The following LPP variants were observed in gnomAD, a reference collection of about 807,000 sequenced individuals.
LPP encodes the protein lipoma-preferred partner.
LPP carries 38 observed loss-of-function variants against 60.4 expected under a neutral mutation model. That is an observed-to-expected ratio of 0.63 (90% confidence interval 0.49 to 0.83). LPP has a LOEUF of 0.83. Among genes scored for constraint, LPP ranks in the 40% least tolerant of loss-of-function variants. The pLI is 0.00. For missense variants in LPP, 902 were observed against 783.6 expected (o/e 1.15, Z -1.80); for synonymous variants, 328 against 290.8 (o/e 1.13, Z -1.30).
chr3:188,799,856 T>C (rs1050901172), intron 9 of LPP, among the ~76,000 whole-genome samples: 2 of 152,160 alleles, frequency 1.3e-5, no homozygotes, highest in Non-Finnish European at 1.5e-5. Context: ...TAGTAAAAAA[T>C]CAAGTTATGC....
intron 2 of LPP, among the ~76,000 whole-genome samples, chr3:188,249,135 C>T (rs1006717365): frequency 6.6e-6 from 1 of 152,042 alleles, no homozygotes; most frequent in Non-Finnish European, 1.5e-5. Context: ...TTTACAGATT[C>T]ACAACTGTAA....
chr3:188,797,360 A>G (rs1468704753), intron 9 of LPP, among the ~76,000 whole-genome samples: 1 of 152,226 alleles, frequency 6.6e-6, no homozygotes, highest in East Asian at 1.9e-4. Context: ...GGACTGGGAT[A>G]TGTTTAAAGT....
intron 5 of LPP, among the ~76,000 whole-genome samples, chr3:188,495,082 A>ATATATATATATATATATATTTTT (rs1342207321): frequency 1.0e-5 from 1 of 97,270 alleles, no homozygotes; most frequent in South Asian, 3.2e-4. Context: ...ATATATATAT[A>ATATATATATATATATATATTTTT]TTTTATTTAT....
chr3:188,157,580 G>A (rs930321922), intron 1 of LPP, among the ~76,000 whole-genome samples: 1 of 152,126 alleles, frequency 6.6e-6, no homozygotes, highest in Non-Finnish European at 1.5e-5. Context: ...ACCCGGGGTT[G>A]GAGCCTGCTT....
At chr3:188,611,301 C>T (rs1317239254) in intron 7 of LPP, among the ~76,000 whole-genome samples, 2 of 152,098 alleles carry the variant, frequency 1.3e-5, no homozygotes, top group African/African-American at 4.8e-5. Context: ...TCTTAAGTCT[C>T]TCTATGAAAA....
At chr3:188,494,713 C>G (rs929496346) in intron 5 of LPP, among the ~76,000 whole-genome samples, 1 of 152,054 alleles carries the variant, frequency 6.6e-6, no homozygotes, top group East Asian at 2.0e-4. Context: ...CAGCATAATG[C>G]GATGGTTAAC....
At chr3:188,732,495 C>T (rs147067177) in intron 8 of LPP, among the ~76,000 whole-genome samples, 5 of 152,212 alleles carry the variant, frequency 3.3e-5, no homozygotes, top group African/African-American at 7.2e-5. Flanking sequence ...CAGTGGCTCA[C>T]GCCTGTAATC....
chr3:188,800,451 T>A (rs1173441586), intron 9 of LPP, among the ~76,000 whole-genome samples: 5 of 151,980 alleles, frequency 3.3e-5, no homozygotes, highest in Non-Finnish European at 5.9e-5. Context: ...TTCATCGTGT[T>A]AGCCAGGATG....
intron 9 of LPP, among the ~76,000 whole-genome samples, chr3:188,800,764 C>G (rs531526806): frequency 9.9e-5 from 15 of 152,216 alleles, no homozygotes; most frequent in African/African-American, 2.9e-4. Context: ...AATGGAATCT[C>G]ATTGTTTGTA....
At chr3:188,656,199 G>GAAA (rs67731158) in intron 7 of LPP, among the ~76,000 whole-genome samples, 1 of 134,920 alleles carries the variant, frequency 7.4e-6, no homozygotes, top group African/African-American at 2.8e-5. Flanking sequence ...TCTCCAAAAG[G>GAAA]AAAAAAAAAA....
chr3:188,241,777 T>A (rs1577493276), intron 2 of LPP, among the ~76,000 whole-genome samples: 1 of 152,340 alleles, frequency 6.6e-6, no homozygotes, highest in East Asian at 1.9e-4. Context: ...GATGATAGAA[T>A]TGAAAATTTA....
chr3:188,866,228 C>T lies in LPP; in HGVS notation c.1439C>T (p.Ser480Phe), dbSNP rs926311103. 4 of 1,572,738 alleles carry T rather than the reference C, an allele frequency of 2.5e-6. No homozygotes were observed. Among genetic ancestry groups the T allele is most frequent in the Non-Finnish European group, 3.5e-6 (4 of 1,158,470 alleles). ...INTLEQCNVC[S>F]KPIMERILRA... ...ACTCTGGAGCAGTGCAATGTGTGTT[C>T]CAAGCCCATCATGGAGCGGATTCTC... The change falls in exon 10 of 12, where the codon TCC becomes TTC. Residue 480 changes from serine to phenylalanine, a missense_variant. Ser to Phe is a radical substitution (Grantham distance 155). Coordinates refer to ENST00000617246, the MANE Select transcript of LPP (RefSeq NM_001375462.1).
chr3:188,473,021 T>C (rs1233122484), intron 4 of LPP, among the ~76,000 whole-genome samples: 2 of 152,200 alleles, frequency 1.3e-5, no homozygotes, highest in African/African-American at 2.4e-5. Flanking sequence ...CTACATTCTT[T>C]GACTGTTTCT....
intron 1 of LPP, chr3:188,180,606 A>T (rs1724660096): frequency 6.5e-6 from 1 of 154,434 alleles, no homozygotes; most frequent in African/African-American, 2.4e-5. Flanking sequence ...AACCGTATAA[A>T]GAAAATGAGC....
At chr3:188,733,281 C>T (rs1721294662) in intron 8 of LPP, among the ~76,000 whole-genome samples, 1 of 126,414 alleles carries the variant, frequency 7.9e-6, no homozygotes, top group African/African-American at 3.0e-5. Flanking sequence ...TACTTTACTT[C>T]ACCAAAAACG....
intron 1 of LPP, among the ~76,000 whole-genome samples, chr3:188,169,889 G>T (rs911912432): frequency 3.3e-5 from 5 of 152,156 alleles, no homozygotes; most frequent in Admixed American, 2.6e-4. Context: ...ACATAGAGTG[G>T]GTGATTTTAG....
At chr3:188,407,924 G>A (rs889989338) in intron 4 of LPP, among the ~76,000 whole-genome samples, 3 of 151,578 alleles carry the variant, frequency 2.0e-5, no homozygotes, top group Non-Finnish European at 4.4e-5. Flanking sequence ...CGTATAGCTG[G>A]ATTACAGGCA....
chr3:188,415,775 CGGG>C (rs57821014), intron 4 of LPP, among the ~76,000 whole-genome samples: 1 of 133,588 alleles, frequency 7.5e-6, no homozygotes, highest in Non-Finnish European at 1.7e-5. Flanking sequence ...ATGGGTGGGT[CGGG>C]GGGGGGCAAG....
rs1378770189 is a variant in LPP at position 188,609,711 on chromosome 3, A to G, written c.980A>G (p.Lys327Arg). Reference protein sequence around the residue: ...YGQQGHPNTWKREPGYTPPGA... With the variant: ...YGQQGHPNTWRREPGYTPPGA... ...CAACAAGGTCACCCAAATACCTGGA[A>G]ACGGGAACCAGGGTACACTCCTCCT... Residue 327 changes from lysine (K) to arginine (R), a missense_variant, in exon 7 of 12, where the codon AAA (lysine) becomes AGA (arginine). Coordinates refer to ENST00000617246, the MANE Select transcript of LPP (RefSeq NM_001375462.1). This position sits in a 1 kb window ranked among gnomAD's most constrained non-coding sequence, Gnocchi z 6.9. The G allele has an allele frequency of 5.6e-6, 9 of 1,613,996 alleles. No individual in the cohort carries two copies. The highest frequency in any genetic ancestry group is 7.6e-6 in the Non-Finnish European group (9 of 1,180,038).
Sources: gnomAD v4.1 joint callset for allele counts (sites outside exome capture counted in the v4.1 genomes callset) on GRCh38, gnomAD v4.1.1 for gene constraint, Gnocchi (gnomAD v3.1) non-coding constraint, MANE v1.5 for transcripts, NCBI Gene and HGNC (gene_info 2026-07-23, HGNC 2026-07-21) for gene names.